The following ADAMTS7 variants were observed in gnomAD, a reference collection of about 807,000 sequenced individuals.
ADAMTS7 encodes A disintegrin and metalloproteinase with thrombospondin motifs 7.
ADAMTS7 carries 89 observed loss-of-function variants against 172.6 expected under a neutral mutation model. The ratio of observed to expected loss-of-function variants is 0.52; its 90% CI spans 0.43 to 0.61. The LOEUF (loss-of-function observed/expected upper bound fraction) is 0.61, where lower values mean the gene tolerates loss of function less well. Among genes scored for constraint, ADAMTS7 ranks in the 20% least tolerant of loss-of-function variants. The pLI is 0.00. For synonymous variants in ADAMTS7, 885 were observed against 978.4 expected, an observed-to-expected ratio of 0.90 and a Z score of 1.78; for missense variants, 1,973 against 2,355.6, an observed-to-expected ratio of 0.84 and a Z score of 3.36.
At chr15:78,764,823 G>C in intron 19 of ADAMTS7, 116 bp from the exon 20 acceptor site, 1 of 1,186,426 alleles carries the variant, frequency 8.4e-7, no homozygotes, top group African/African-American at 1.6e-5. Flanking sequence ...CCCTCTTCTG[G>C]GCCTCAGTTT....
At chr15:78,764,242 C>A in intron 20 of ADAMTS7, 143 bp from the exon 21 acceptor site, 1 of 1,250,274 alleles carries the variant, frequency 8.0e-7, no homozygotes, top group Non-Finnish European at 1.1e-6. Flanking sequence ...GAGGCCAAGG[C>A]TGGCAGGCCC....
At chr15:78,787,292 G>T (rs2055514709) in intron 8 of ADAMTS7, among the ~76,000 whole-genome samples, 1 of 145,958 alleles carries the variant, frequency 6.9e-6, no homozygotes, top group South Asian at 2.2e-4. Flanking sequence ...TACAATTTAT[G>T]CCAATAATTT....
chr15:78,791,836 A>T (rs2055585493), intron 4 of ADAMTS7, among the ~76,000 whole-genome samples: 1 of 152,190 alleles, frequency 6.6e-6, no homozygotes, highest in Non-Finnish European at 1.5e-5. Flanking sequence ...CACATCTATC[A>T]GAGGCCCCAT....
chr15:78,776,877 C>G lies in ADAMTS7; in HGVS notation c.1468-36G>C, dbSNP rs747393305. 15 of 1,503,308 alleles carry G rather than the reference C, an allele frequency of 1.0e-5. No homozygotes were observed. The East Asian group carries it at 3.7e-4, about 37-fold the overall frequency. 93.1% of individuals were successfully genotyped at this position (1,503,308 alleles called of 1,614,324 possible). On this transcript the variant is annotated intron_variant, in intron 9 of 23. Transcript: ENST00000388820. ...GAGGGCATGGGCCATACCCTCACACCCTCCCCAGTGCCGCCACCCACCCTG... is the reference window on the plus strand; with the variant it reads ...GAGGGCATGGGCCATACCCTCACACGCTCCCCAGTGCCGCCACCCACCCTG...
chr15:78,795,248 C>A (rs1482513470), intron 4 of ADAMTS7, among the ~76,000 whole-genome samples: 1 of 152,210 alleles, frequency 6.6e-6, no homozygotes, highest in South Asian at 2.1e-4. Flanking sequence ...CAGCAATAGC[C>A]CTGCTGAACC....
At chr15:78,806,151 A>C (rs1451468473) in intron 1 of ADAMTS7, among the ~76,000 whole-genome samples, 50 of 139,816 alleles carry the variant, frequency 3.6e-4, no homozygotes, top group African/African-American at 5.4e-4. Flanking sequence ...AAAAAAAAAA[A>C]AAAACAGAAA....
Position 78,759,495 on chromosome 15 carries a change from G to A in ADAMTS7, c.4987C>T (p.Gln1663Ter). 6.3e-7 allele frequency: 1 copy of A among 1,597,638 alleles called. No homozygotes were observed. Among genetic ancestry groups the A allele is most frequent in the Non-Finnish European group, 8.5e-7 (1 of 1,177,496 alleles). ...GRCQLPTIRT[Q>*]CCRSCSPPSH... ...GGCGGAGAGCACGAGCGGCAGCACT[G>A]GGTGCGGATGGTGGGCAGCTGGCAG... The change falls in exon 24 of 24, where the codon CAG becomes TAG. Residue 1663 changes from glutamine (Q) to a stop codon, truncating the protein, a stop_gained. Transcript: ENST00000388820. LOFTEE classifies it high-confidence loss of function.
At chr15:78,772,984 G>C in intron 14 of ADAMTS7, 99 bp downstream of exon 14, 1 of 1,432,624 alleles carries the variant, frequency 7.0e-7, no homozygotes, top group African/African-American at 1.4e-5. Context: ...CTCCAGGCTG[G>C]GTGGGGGCCA....
chr15:78,768,967 C>T (rs969987287), intron 16 of ADAMTS7, among the ~76,000 whole-genome samples: 8 of 152,146 alleles, frequency 5.3e-5, no homozygotes, highest in South Asian at 2.1e-4. Flanking sequence ...GGCCAGGTGG[C>T]GCAGGATGAA....
chr15:78,781,952 C>T (rs4887109), intron 8 of ADAMTS7, among the ~76,000 whole-genome samples: 43,490 of 151,820 alleles, frequency 0.29, 7,731 homozygotes, highest in Non-Finnish European at 0.41. Flanking sequence ...CAAGGCAGGC[C>T]CATCATCATG....
chr15:78,778,198 C>T (rs2055379883), intron 8 of ADAMTS7, among the ~76,000 whole-genome samples: 1 of 152,224 alleles, frequency 6.6e-6, no homozygotes, highest in Non-Finnish European at 1.5e-5. Context: ...TCCCTGGCAG[C>T]GGTAGCGGGG....
chr15:78,785,998 T>C (rs377093169), intron 8 of ADAMTS7, among the ~76,000 whole-genome samples: 61 of 83,188 alleles, frequency 7.3e-4, no homozygotes, highest in Middle Eastern at 7.9e-3. Flanking sequence ...GGCGCGATCT[T>C]GGCTCACTGC....
At chr15:78,794,223 G>A (rs955472064) in intron 4 of ADAMTS7, among the ~76,000 whole-genome samples, 1 of 152,130 alleles carries the variant, frequency 6.6e-6, no homozygotes, top group Non-Finnish European at 1.5e-5. Flanking sequence ...TGGGTGACAA[G>A]AGTGAAATTC....
At chr15:78,809,521 G>A (rs1450920861) in intron 1 of ADAMTS7, among the ~76,000 whole-genome samples, 1 of 152,178 alleles carries the variant, frequency 6.6e-6, no homozygotes, top group African/African-American at 2.4e-5. Context: ...GGAGTCCTGG[G>A]TCGGCCTGGC....
chr15:78,781,647 G>A (rs2055430697), intron 8 of ADAMTS7, among the ~76,000 whole-genome samples: 2 of 152,198 alleles, frequency 1.3e-5, no homozygotes, highest in South Asian at 4.1e-4. Context: ...CCTAGAACCA[G>A]GCTGTTGGGC....
chr15:78,765,527 C>G, intron 19 of ADAMTS7, 118 bp downstream of exon 19: 2 of 1,509,404 alleles, frequency 1.3e-6, no homozygotes, highest in East Asian at 4.5e-5. Context: ...CTGGGAACCC[C>G]TGCCCCAAGA....
At position 78,811,399 on chromosome 15, in the gene ADAMTS7, C is replaced by T; in HGVS notation, c.-179G>A. 3.5e-6 allele frequency: 2 copies of T among 571,496 alleles called. No individual in the cohort carries two copies. Among genetic ancestry groups the T allele is most frequent in the Non-Finnish European group, 5.1e-6 (2 of 390,806 alleles). The allele number at this position is 571,496 out of a possible 1,614,324, so 35.4% of individuals were successfully genotyped here. ...CGCGGGCAACAAAGGCTGCAGGGCC[C>T]GCCCCCTTGGCCGCTGCAGAGGCAA... On this transcript the variant is annotated 5_prime_UTR_variant, in exon 1 of 24. Coordinates refer to ENST00000388820, the MANE Select transcript of ADAMTS7 (RefSeq NM_014272.5).
chr15:78,787,269 T>A (rs2055514498), intron 8 of ADAMTS7, among the ~76,000 whole-genome samples: 1 of 126,542 alleles, frequency 7.9e-6, no homozygotes. Flanking sequence ...CTGCACAAAA[T>A]AAAGATGAAT....
At chr15:78,776,653 A>G (rs1378749564) in intron 10 of ADAMTS7, 96 bp downstream of exon 10, 11 of 1,277,732 alleles carry the variant, frequency 8.6e-6, no homozygotes, top group South Asian at 6.8e-5. Flanking sequence ...TAGGAGCACA[A>G]GCAAGACTGT....
Sources: gnomAD v4.1 joint callset for allele counts (sites outside exome capture counted in the v4.1 genomes callset) on GRCh38, gnomAD v4.1.1 for gene constraint, MANE v1.5 for transcripts, NCBI Gene and HGNC (gene_info 2026-07-23, HGNC 2026-07-21) for gene names.